Variants in KCNH5 observed in about 807,000 individuals in gnomAD.
KCNH5 encodes the protein voltage-gated delayed rectifier potassium channel KCNH5.
Under a neutral mutation model 96.1 loss-of-function variants are expected in KCNH5, and 46 were observed. The ratio of observed to expected loss-of-function variants is 0.48; its 90% confidence interval spans 0.38 to 0.61. The LOEUF (loss-of-function observed/expected upper bound fraction) is 0.61. KCNH5 is among the 20% of genes least tolerant of loss of function. The pLI is 0.00. For missense variants in KCNH5, 907 were observed against 1,225.8 expected, an observed-to-expected ratio of 0.74 and a Z score of 3.88; for synonymous variants, 439 against 449.8, an observed-to-expected ratio of 0.98 and a Z score of 0.30.
intron 10 of KCNH5, among the ~76,000 whole-genome samples, chr14:62,739,377 T>C (rs1425431244): frequency 6.6e-6 from 1 of 152,214 alleles, no homozygotes; most frequent in Non-Finnish European, 1.5e-5. Context: ...ATTTGAAGCC[T>C]ACAGTTGGCT....
At chr14:62,916,232 G>A (rs1178408684) in intron 7 of KCNH5, among the ~76,000 whole-genome samples, 3 of 152,112 alleles carry the variant, frequency 2.0e-5, no homozygotes, top group East Asian at 3.9e-4. Flanking sequence ...GATTACAGGC[G>A]TGAGCCACCA....
intron 7 of KCNH5, among the ~76,000 whole-genome samples, chr14:62,944,397 TAGAC>T (rs1200782094): frequency 1.3e-5 from 2 of 152,214 alleles, no homozygotes; most frequent in Admixed American, 1.3e-4. Flanking sequence ...TGGTGCTTCT[TAGAC>T]AGCCACACAG....
intron 7 of KCNH5, among the ~76,000 whole-genome samples, chr14:62,873,831 C>T (rs561753700): frequency 7.2e-5 from 11 of 152,304 alleles, no homozygotes; most frequent in Admixed American, 4.6e-4. Flanking sequence ...CTGCTGCTGA[C>T]AGACACAAAG....
chr14:62,838,679 G>A (rs1887513653), intron 8 of KCNH5, among the ~76,000 whole-genome samples: 1 of 152,176 alleles, frequency 6.6e-6, no homozygotes, highest in Non-Finnish European at 1.5e-5. Flanking sequence ...ACAAGCAGCA[G>A]AGTGACTAAG....
At chr14:62,808,275 A>G (rs1886809283) in intron 8 of KCNH5, among the ~76,000 whole-genome samples, 1 of 152,128 alleles carries the variant, frequency 6.6e-6, no homozygotes, top group South Asian at 2.1e-4. Flanking sequence ...ATAAAGCTAA[A>G]GATTTAAACA....
At chr14:62,888,700 T>C (rs1268952657) in intron 7 of KCNH5, among the ~76,000 whole-genome samples, 1 of 152,180 alleles carries the variant, frequency 6.6e-6, no homozygotes, top group African/African-American at 2.4e-5. Context: ...TCTGTGCATA[T>C]GTTGACCCAA....
chr14:62,920,447 G>T (rs1056155747), intron 7 of KCNH5, among the ~76,000 whole-genome samples: 6 of 152,024 alleles, frequency 3.9e-5, no homozygotes, highest in African/African-American at 1.5e-4. Flanking sequence ...ATTCCAATGT[G>T]TCAACTGTGC....
intron 7 of KCNH5, among the ~76,000 whole-genome samples, chr14:62,891,445 A>G (rs573917333): frequency 1.3e-5 from 2 of 152,138 alleles, no homozygotes; most frequent in Non-Finnish European, 2.9e-5. Context: ...ATAAAAGATA[A>G]CTATTGGTAC....
chr14:62,793,886 T>C (rs527394549), intron 9 of KCNH5, among the ~76,000 whole-genome samples: 6 of 152,020 alleles, frequency 3.9e-5, no homozygotes, highest in Admixed American at 2.6e-4. Context: ...AAGAAAAATA[T>C]TGTTTTTAAT....
At chr14:62,754,473 AAAC>A in intron 10 of KCNH5, among the ~76,000 whole-genome samples, 1 of 152,260 alleles carries the variant, frequency 6.6e-6, no homozygotes, top group Non-Finnish European at 1.5e-5. Context: ...TTAAAAAAAA[AAAC>A]AAGATCCAAT....
At chr14:62,808,528 T>C (rs942432543) in intron 8 of KCNH5, among the ~76,000 whole-genome samples, 5 of 152,126 alleles carry the variant, frequency 3.3e-5, no homozygotes, top group African/African-American at 1.2e-4. Context: ...TAAAGTTTTA[T>C]GAAAAATTCA....
At chr14:62,914,483 T>C (rs1452724709) in intron 7 of KCNH5, among the ~76,000 whole-genome samples, 1 of 152,226 alleles carries the variant, frequency 6.6e-6, no homozygotes, top group African/African-American at 2.4e-5. Flanking sequence ...TGGAGTATAC[T>C]GTGGTTTTAT....
At chr14:62,913,290 C>T (rs1595681940) in intron 7 of KCNH5, among the ~76,000 whole-genome samples, 1 of 151,906 alleles carries the variant, frequency 6.6e-6, no homozygotes, top group East Asian at 1.9e-4. Context: ...TGCAGTGGTG[C>T]GATCTCGGCT....
In KCNH5 at chr14:62,777,986, T is replaced by C. The variant is rs150072775; in HGVS notation, c.2019+1742A>G. On this transcript the variant is annotated intron_variant, in intron 10 of 10. Coordinates refer to ENST00000322893, the MANE Select transcript of KCNH5 (RefSeq NM_139318.5). Reference sequence around the variant, plus strand: ...CACTTGGTTGTTTGATATTAATCCCTCTGGGCCTGAGTATTCTCATGTGAT... The same window carrying C: ...CACTTGGTTGTTTGATATTAATCCCCCTGGGCCTGAGTATTCTCATGTGAT... 9.8e-3 allele frequency among the ~76,000 whole-genome samples: 1,494 copies of C among 152,290 alleles called. 20 individuals are homozygous for C. The highest frequency in any genetic ancestry group is 0.033 in the African/African-American group (1,378 of 41,562).
chr14:62,868,952 T>C (rs1452750101), intron 7 of KCNH5, among the ~76,000 whole-genome samples: 1 of 152,330 alleles, frequency 6.6e-6, no homozygotes, highest in Admixed American at 6.5e-5. Flanking sequence ...GGCATTTGGG[T>C]TGGTTCGAAG....
At chr14:62,807,079 T>C (rs1295537345) in intron 8 of KCNH5, among the ~76,000 whole-genome samples, 1 of 152,124 alleles carries the variant, frequency 6.6e-6, no homozygotes, top group East Asian at 1.9e-4. Flanking sequence ...CATTTTGCCT[T>C]CCCCACACTG....
chr14:62,981,296 T>TC, intron 5 of KCNH5, 32 bp from the exon 6 acceptor site: 1 of 1,601,978 alleles, frequency 6.2e-7, no homozygotes, highest in South Asian at 1.1e-5. Context: ...TATACATGAC[T>TC]AGGTTATCTC....
chr14:62,923,995 T>C (rs974955734), intron 7 of KCNH5, among the ~76,000 whole-genome samples: 7 of 151,908 alleles, frequency 4.6e-5, no homozygotes, highest in Non-Finnish European at 1.0e-4. Context: ...AAATAGTTTC[T>C]GCACAGCAAA....
At position 62,812,611 on chromosome 14, in the gene KCNH5, C is replaced by T. The variant is rs189781171; in HGVS notation, c.1570-10030G>A. ...AAGGGAGTCTAAATATGATAATTAA[C>T]AGAGAAGGCAATAAATTAAACCAAA... is the stretch of plus-strand genomic sequence containing the variant. On this transcript the variant is annotated intron_variant, in intron 8 of 10. Coordinates refer to ENST00000322893, the MANE Select transcript of KCNH5 (RefSeq NM_139318.5). Among the ~76,000 whole-genome samples the T allele has an allele frequency of 3.2e-4, 49 of 152,060 alleles. 1 individual carries two copies. In the East Asian group the frequency reaches 8.9e-3, roughly 28 times the overall value.
Sources: allele counts gnomAD v4.1 joint callset (sites outside exome capture counted in the v4.1 genomes callset), GRCh38; gene constraint gnomAD v4.1.1; transcripts MANE v1.5; gene names NCBI Gene and HGNC (gene_info 2026-07-23, HGNC 2026-07-21).